Variants in APEX1 observed in about 807,000 individuals in gnomAD.
APEX1 encodes the protein DNA repair nuclease/redox regulator APEX1.
In APEX1, 32 loss-of-function variants were observed where a neutral mutation model predicts 33.2. That is an observed-to-expected ratio of 0.96 (90% CI 0.73 to 1.29). The LOEUF (loss-of-function observed/expected upper bound fraction) is 1.29. Ranked by LOEUF, APEX1 falls within the 50% of genes most tolerant of loss-of-function variation. The pLI is 0.00. For missense variants in APEX1, 442 were observed against 395.6 expected, an observed-to-expected ratio of 1.12 and a Z score of -0.99; for synonymous variants, 175 against 156.6, an observed-to-expected ratio of 1.12 and a Z score of -0.88.
Position 20,457,173 on chromosome 14 carries a change from T to G in APEX1, c.622T>G (p.Cys208Gly), listed in dbSNP as rs1881437069. 6.2e-7 allele frequency: 1 copy of G among 1,614,176 alleles called. No homozygotes were observed. Among genetic ancestry groups the G allele is most frequent in the Non-Finnish European group, 8.5e-7 (1 of 1,180,034 alleles). The change falls in exon 5 of 5, where the codon TGT (cysteine) becomes GGT (glycine). Residue 208 changes from cysteine to glycine, a missense_variant. Physicochemically the swap from Cys to Gly is radical, Grantham distance 159. Coordinates refer to ENST00000216714, the MANE Select transcript of APEX1 (RefSeq NM_001641.4). The part of the protein sequence containing the change: ...GLASRKPLVL[C>G]GDLNVAHEEI... The stretch of plus-strand genomic sequence containing the variant: ...GGCTTCCCGAAAGCCCCTTGTGCTG[T>G]GTGGAGACCTCAATGTGGCACATGA...
chr14:20,455,736 A>G, intron 2 of APEX1, 33 bp downstream of exon 2: 1 of 1,614,166 alleles, frequency 6.2e-7, no homozygotes, highest in East Asian at 2.2e-5. Flanking sequence ...TCTTCCTAGA[A>G]GCTGCGGCGG....
At chr14:20,456,355 T>A (rs887993500) in intron 3 of APEX1, among the ~76,000 whole-genome samples, 1 of 152,234 alleles carries the variant, frequency 6.6e-6, no homozygotes, top group Non-Finnish European at 1.5e-5. Context: ...TCCTCCATTT[T>A]ATCTTCCTGC....
rs1389397731 is a variant in APEX1 at position 20,456,739 on chromosome 14, T to C, written c.318T>C (p.Ala106=). 6.2e-7 allele frequency: 1 copy of C among 1,614,232 alleles called. No homozygotes were observed. Among genetic ancestry groups the C allele is most frequent in the East Asian group, 2.2e-5 (1 of 44,882 alleles). ...ETKCSENKLP[A]ELQELPGLSH... Reference sequence around the variant, plus strand: ...AATGTTCAGAGAACAAACTACCAGCTGAACTTCAGGAGCTGCCTGGACTCT... The same window carrying C: ...AATGTTCAGAGAACAAACTACCAGCCGAACTTCAGGAGCTGCCTGGACTCT... The change falls in exon 4 of 5, where the codon GCT becomes GCC. Residue 106 remains alanine (A), a synonymous_variant. Transcript: ENST00000216714.
Position 20,457,380 on chromosome 14 carries a change from A to G in APEX1, c.829A>G (p.Asn277Asp). ...TTATATGATGAATGCTCGATCCAAG[A>G]ATGTTGGTTGGCGCCTTGATTACTT... ...WTYMMNARSK[N>D]VGWRLDYFLL... The change falls in exon 5 of 5, where the codon AAT (asparagine) becomes GAT (aspartate). Residue 277 changes from asparagine to aspartate, a missense_variant. Transcript: ENST00000216714. 6.2e-7 allele frequency: 1 copy of G among 1,614,154 alleles called. No individual in the cohort carries two copies. Among genetic ancestry groups the G allele is most frequent in the Non-Finnish European group, 8.5e-7 (1 of 1,180,024 alleles).
chr14:20,456,542 T>C, intron 3 of APEX1, 126 bp from the exon 4 acceptor site: 2 of 887,622 alleles, frequency 2.3e-6, no homozygotes, highest in Non-Finnish European at 3.7e-6. Flanking sequence ...ATTGTGCTGC[T>C]TGACTCGAAC....
At chr14:20,455,520 C>T (rs1435315197) in intron 1 of APEX1, 58 bp from the exon 2 acceptor site, 2 of 1,521,678 alleles carry the variant, frequency 1.3e-6, no homozygotes, top group Non-Finnish European at 1.8e-6. Context: ...CGGGGACGCT[C>T]TTGGGAGGAG....
At chr14:20,455,847 A>C (rs770294672) in intron 2 of APEX1, 67 bp from the exon 3 acceptor site, 163 of 1,613,572 alleles carry the variant, frequency 1.0e-4, no homozygotes, top group Non-Finnish European at 1.3e-4. Flanking sequence ...CGTTGGGTCT[A>C]TAGTTAACGC....
rs1483061992 is a variant in APEX1, at chr14:20,457,209, C to G, written c.658C>G (p.Leu220Val). The change falls in exon 5 of 5, where the codon CTT (leucine) becomes GTT (valine). Residue 220 changes from leucine to valine, a missense_variant. Coordinates refer to ENST00000216714, the MANE Select transcript of APEX1 (RefSeq NM_001641.4). Reference sequence around the variant, plus strand: ...CAATGTGGCACATGAAGAAATTGACCTTCGCAACCCCAAGGGGAACAAAAA... The same window carrying G: ...CAATGTGGCACATGAAGAAATTGACGTTCGCAACCCCAAGGGGAACAAAAA... ...DLNVAHEEIDLRNPKGNKKNA... is the reference protein window; with the variant it reads ...DLNVAHEEIDVRNPKGNKKNA... 1 of 1,614,180 alleles carries G rather than the reference C, an allele frequency of 6.2e-7. No individual in the cohort carries two copies. The highest frequency in any genetic ancestry group is 1.1e-5 in the South Asian group (1 of 91,082).
At position 20,456,857 on chromosome 14, in the gene APEX1, A is replaced by G. The variant is rs201190560; in HGVS notation, c.436A>G (p.Ile146Val). 16 of 1,613,808 alleles carry G rather than the reference A, an allele frequency of 9.9e-6. No individual in the cohort carries two copies. Among genetic ancestry groups the G allele is most frequent in the East Asian group, 2.2e-5 (1 of 44,886 alleles). Reference protein sequence around the residue: ...RQCPLKVSYGIGDEEHDQEGR... With the variant: ...RQCPLKVSYGVGDEEHDQEGR... Reference sequence around the variant, plus strand: ...GTGCCCACTCAAAGTTTCTTACGGCATAGGTGAGACCCTATTGATGCCTAA... The same window carrying G: ...GTGCCCACTCAAAGTTTCTTACGGCGTAGGTGAGACCCTATTGATGCCTAA... Residue 146 changes from isoleucine (I) to valine (V), a missense_variant, in exon 4 of 5, where the codon ATA (isoleucine) becomes GTA (valine). By Grantham distance (29) the Ile-to-Val change is conservative. Transcript: ENST00000216714.
chr14:20,456,956 T>G (rs766361417), intron 4 of APEX1, 35 bp from the exon 5 acceptor site: 2 of 1,608,620 alleles, frequency 1.2e-6, no homozygotes, highest in Admixed American at 3.4e-5. Flanking sequence ...CCTTTTCTTA[T>G]AGTTTTTTAT....
At chr14:20,456,586 A>T (rs368743343) in intron 3 of APEX1, 82 bp from the exon 4 acceptor site, 1 of 1,362,982 alleles carries the variant, frequency 7.3e-7, no homozygotes, top group Admixed American at 1.7e-5. Flanking sequence ...ACCCGTGCGT[A>T]TCTATGACTT....
chr14:20,457,290 G>C lies in APEX1; in HGVS notation c.739G>C (p.Val247Leu). Residue 247 changes from valine to leucine, a missense_variant, in exon 5 of 5, where the codon GTG becomes CTG. Transcript: ENST00000216714. ...RQGFGELLQA[V>L]PLADSFRHLY... is the part of the protein sequence containing the mutation. ...AGGCTTCGGGGAATTACTGCAGGCT[G>C]TGCCACTGGCTGACAGCTTTAGGCA... is the stretch of plus-strand genomic sequence containing the variant. 4 of 1,614,222 alleles carry C rather than the reference G, an allele frequency of 2.5e-6. No individual in the cohort carries two copies. Among genetic ancestry groups the C allele is most frequent in the Non-Finnish European group, 3.4e-6 (4 of 1,180,032 alleles).
Position 20,455,661 on chromosome 14 carries a change from A to G in APEX1, c.16A>G (p.Lys6Glu), listed in dbSNP as rs1245526031. The G allele has an allele frequency of 1.9e-6, 3 of 1,613,690 alleles. No individual in the cohort carries two copies. The highest frequency in any genetic ancestry group is 1.7e-5 in the Admixed American group (1 of 59,992). Residue 6 changes from lysine to glutamate, a missense_variant, in exon 2 of 5, where the codon AAA (lysine) becomes GAA (glutamate). Lys to Glu is a moderately conservative substitution (Grantham distance 56, BLOSUM62 1). Transcript: ENST00000216714. Reference protein sequence around the residue: MPKRGKKGAVAEDGDE... With the variant: MPKRGEKGAVAEDGDE... ...CGTAACGGGAATGCCGAAGCGTGGGAAAAAGGGAGCGGTGGCGGAAGACGG... is the reference window on the plus strand; with the variant it reads ...CGTAACGGGAATGCCGAAGCGTGGGGAAAAGGGAGCGGTGGCGGAAGACGG...
rs764702626 is a variant in APEX1, at chr14:20,456,813, T to C, written c.392T>C (p.Val131Ala). The change falls in exon 4 of 5, where the codon GTG becomes GCG. Residue 131 changes from valine (V) to alanine (A), a missense_variant. Physicochemically the swap from Val to Ala is moderately conservative, Grantham distance 64. Transcript: ENST00000216714. ...APSDKEGYSG[V>A]GLLSRQCPLK... ...TCGGACAAGGAAGGGTACAGTGGCG[T>C]GGGCCTGCTTTCCCGCCAGTGCCCA... 1.9e-6 allele frequency: 3 copies of C among 1,614,054 alleles called. No individual in the cohort carries two copies. The highest frequency in any genetic ancestry group is 2.2e-5 in the East Asian group (1 of 44,902).
chr14:20,455,298 CATAAGAGGGGCTTCGCTG>C lies in APEX1; in HGVS notation c.-164_-147del, dbSNP rs554170207. 76 of 437,326 alleles carry C rather than the reference CATAAGAGGGGCTTCGCTG, an allele frequency of 1.7e-4. No homozygotes were observed. The highest frequency in any genetic ancestry group is 3.1e-4 in the Non-Finnish European group (73 of 235,796). The allele number at this position is 437,326 out of a possible 1,614,324, so 27.1% of individuals were successfully genotyped here. A position where few individuals can be genotyped will look rare whatever the true frequency, so the allele number is the denominator to read the frequency against. On this transcript the variant is annotated 5_prime_UTR_variant, in exon 1 of 5. Transcript: ENST00000216714. Reference sequence around the variant, plus strand: ...GCAGATACGGGGTTGCTCTTTTGCTCATAAGAGGGGCTTCGCTGGCAGTCTGAACGGCAAGCTTGAGTC... The same window carrying C: ...GCAGATACGGGGTTGCTCTTTTGCTCGCAGTCTGAACGGCAAGCTTGAGTC...
rs1391275168 is a variant in APEX1, at chr14:20,457,648, G to A, written c.*140G>A. On this transcript the variant is annotated 3_prime_UTR_variant, in exon 5 of 5. Transcript: ENST00000216714. ...CCTCCAACCAGGCTCCTGTGATAGAGTTCTTTTAAGCCCAAGATTTTTTAT... is the reference window on the plus strand; with the variant it reads ...CCTCCAACCAGGCTCCTGTGATAGAATTCTTTTAAGCCCAAGATTTTTTAT... 1 of 1,238,066 alleles carries A rather than the reference G, an allele frequency of 8.1e-7. No individual in the cohort carries two copies. Among genetic ancestry groups the A allele is most frequent in the Non-Finnish European group, 1.2e-6 (1 of 866,786 alleles). The allele number at this position is 1,238,066 out of a possible 1,614,324, so 76.7% of individuals were successfully genotyped here. A position where few individuals can be genotyped will look rare whatever the true frequency, so the allele number is the denominator to read the frequency against.
rs1065749 is a variant in APEX1, at chr14:20,457,358, T to C, written c.807T>C (p.Tyr269=). 1,254 of 1,614,240 alleles carry C rather than the reference T, an allele frequency of 7.8e-4. 5 individuals carry two copies. The African/African-American group carries it at 0.012, about 16-fold the overall frequency. ...CCTATGCCTACACCTTTTGGACTTA[T>C]ATGATGAATGCTCGATCCAAGAATG... ...NTPYAYTFWT[Y]MMNARSKNVG... Residue 269 remains tyrosine (Y), a synonymous_variant, in exon 5 of 5, where the codon TAT becomes TAC. Coordinates refer to ENST00000216714, the MANE Select transcript of APEX1 (RefSeq NM_001641.4).
In APEX1 at chr14:20,457,146, C is replaced by T. The variant is rs1881433715; in HGVS notation, c.595C>T (p.Leu199=). The T allele has an allele frequency of 1.2e-6, 2 of 1,614,074 alleles. No homozygotes were observed. The highest frequency in any genetic ancestry group is 1.3e-5 in the African/African-American group (1 of 74,902). ...DEAFRKFLKG[L]ASRKPLVLCG... ...AGCCTTTCGCAAGTTCCTGAAGGGC[C>T]TGGCTTCCCGAAAGCCCCTTGTGCT... is the stretch of plus-strand genomic sequence containing the variant. Residue 199 remains leucine, a synonymous_variant, in exon 5 of 5, where the codon CTG becomes TTG. Transcript: ENST00000216714.
chr14:20,456,802 G>T lies in APEX1; in HGVS notation c.381G>T (p.Gly127=), dbSNP rs763599954. The change falls in exon 4 of 5, where the codon GGG becomes GGT. Residue 127 remains glycine (G), a synonymous_variant. Coordinates refer to ENST00000216714, the MANE Select transcript of APEX1 (RefSeq NM_001641.4). ...GGTCAGCTCCTTCGGACAAGGAAGGGTACAGTGGCGTGGGCCTGCTTTCCC... is the reference window on the plus strand; with the variant it reads ...GGTCAGCTCCTTCGGACAAGGAAGGTTACAGTGGCGTGGGCCTGCTTTCCC... ...QYWSAPSDKE[G]YSGVGLLSRQ... is the part of the protein sequence containing the mutation. 1 of 1,614,212 alleles carries T rather than the reference G, an allele frequency of 6.2e-7. No individual in the cohort carries two copies.
Sources: gnomAD v4.1 joint callset for allele counts (sites outside exome capture counted in the v4.1 genomes callset) on GRCh38, gnomAD v4.1.1 for gene constraint, MANE v1.5 for transcripts, NCBI Gene and HGNC (gene_info 2026-07-23, HGNC 2026-07-21) for gene names.